The following FBXO44 variants were observed in gnomAD, a reference collection of about 807,000 sequenced individuals.
FBXO44 encodes the protein F-box protein 44, also known as F-box only protein 44.
FBXO44 carries 25 observed loss-of-function variants against 33.5 expected under a neutral mutation model. The observed-to-expected ratio is 0.75, with a 90% CI of 0.54 to 1.04. The LOEUF (loss-of-function observed/expected upper bound fraction) is 1.04. Among genes scored for constraint, FBXO44 ranks in the 50% least tolerant of loss-of-function variants. The pLI is 0.00. For missense variants in FBXO44, 311 were observed against 344.0 expected (o/e 0.90, Z 0.76); for synonymous variants, 147 against 152.8 (o/e 0.96, Z 0.28).
At chr1:11,656,219 C>T (rs1267115966) in intron 2 of FBXO44, 119 bp downstream of exon 2, 3 of 1,369,508 alleles carry the variant, frequency 2.2e-6, no homozygotes, top group African/African-American at 2.9e-5. Context: ...ACTTCTCTCA[C>T]AGTAACCCAA....
At chr1:11,657,701 A>G (rs1007415158) in intron 2 of FBXO44, among the ~76,000 whole-genome samples, 1 of 152,180 alleles carries the variant, frequency 6.6e-6, no homozygotes, top group Admixed American at 6.6e-5. Flanking sequence ...AGATCGAGCC[A>G]TTGCACTCCA....
rs1639743526 is a variant in FBXO44 at position 11,655,842 on chromosome 1, G to A, written c.7G>A (p.Val3Met). Residue 3 changes from valine (V) to methionine (M), a missense_variant, in exon 2 of 6, where the codon GTG becomes ATG. Transcript: ENST00000251547. The stretch of plus-strand genomic sequence containing the variant: ...TGTCCAGAAGCCACAAGCCATGGCT[G>A]TGGGGAACATCAACGAGCTGCCCGA... Reference protein sequence around the residue: MAVGNINELPENI... With the variant: MAMGNINELPENI... 2 of 1,613,672 alleles carry A rather than the reference G, an allele frequency of 1.2e-6. No individual in the cohort carries two copies. The highest frequency in any genetic ancestry group is 1.7e-6 in the Non-Finnish European group (2 of 1,179,798).
intron 1 of FBXO44, 28 bp from the exon 2 acceptor site, chr1:11,655,778 T>A: frequency 5.6e-6 from 9 of 1,593,768 alleles, no homozygotes; most frequent in Non-Finnish European, 7.7e-6. Context: ...AGAGCAGGGA[T>A]GAGGCCTGCA....
upstream of FBXO44, chr1:11,654,425 C>T: frequency 1.6e-6 from 2 of 1,273,136 alleles, no homozygotes; most frequent in Non-Finnish European, 2.0e-6. Flanking sequence ...GCGCTGTCCG[C>T]GTCTGTGTCG....
At chr1:11,654,977 G>A (rs1192754979) in intron 1 of FBXO44, 25 bp downstream of exon 1, 1 of 150,232 alleles carries the variant, frequency 6.7e-6, no homozygotes, top group Non-Finnish European at 1.5e-5. Context: ...GGGGCGCGGG[G>A]GGCGCTGGGG....
intron 2 of FBXO44, 68 bp downstream of exon 2, chr1:11,656,168 A>C: frequency 2.5e-6 from 4 of 1,573,368 alleles, no homozygotes; most frequent in Non-Finnish European, 3.5e-6. Context: ...TGTATTGAGC[A>C]CTTAGTATGA....
intron 1 of FBXO44, 121 bp from the exon 2 acceptor site, chr1:11,655,685 C>A: frequency 9.6e-7 from 1 of 1,044,804 alleles, no homozygotes; most frequent in Non-Finnish European, 1.4e-6. Flanking sequence ...TGGACCGCCC[C>A]AGTGACCCCT....
intron 2 of FBXO44, among the ~76,000 whole-genome samples, chr1:11,657,956 C>A (rs762801470): frequency 1.1e-4 from 16 of 152,126 alleles, no homozygotes; most frequent in Admixed American, 3.9e-4. Flanking sequence ...CAAGGTCAGA[C>A]AACCGAGTAC....
Position 11,656,022 on chromosome 1 carries a change from C to G in FBXO44, c.187C>G (p.Gln63Glu). Residue 63 changes from glutamine to glutamate, a missense_variant, in exon 2 of 6, where the codon CAG (glutamine) becomes GAG (glutamate). Coordinates refer to ENST00000251547, the MANE Select transcript of FBXO44 (RefSeq NM_033182.7). ...REGFITEDWD[Q>E]PVADWKIFYF... is the part of the protein sequence containing the mutation. The stretch of plus-strand genomic sequence containing the variant: ...GGGCTTCATCACTGAGGACTGGGAC[C>G]AGCCCGTGGCCGACTGGAAGATCTT... 6.2e-7 allele frequency: 1 copy of G among 1,614,212 alleles called. No individual in the cohort carries two copies. Among genetic ancestry groups the G allele is most frequent in the Non-Finnish European group, 8.5e-7 (1 of 1,180,038 alleles).
Position 11,658,255 on chromosome 1 carries a change from C to T in FBXO44, c.266-12C>T, listed in dbSNP as rs1557661102. 2 of 1,613,532 alleles carry T rather than the reference C, an allele frequency of 1.2e-6. No homozygotes were observed. Among genetic ancestry groups the T allele is most frequent in the South Asian group, 2.2e-5 (2 of 91,026 alleles). ...GGGCTTCCCTTCAGTGTGAACTCTG[C>T]TTTTCCATCAGAGGGGTTCGAGTTC... On this transcript the variant is annotated splice_polypyrimidine_tract_variant and intron_variant, in intron 2 of 5. Transcript: ENST00000251547.
In FBXO44 at chr1:11,658,890, C is replaced by G. The variant is rs760462829; in HGVS notation, c.624+19C>G. ...GAGGGAGGTGCGTGGGCCTGGGGGA[C>G]GGGGGCAGAGGCAGATCGTCCAAGG... On this transcript the variant is annotated intron_variant, in intron 5 of 5. Coordinates refer to ENST00000251547, the MANE Select transcript of FBXO44 (RefSeq NM_033182.7). 1 of 1,602,228 alleles carries G rather than the reference C, an allele frequency of 6.2e-7. No homozygotes were observed. Among genetic ancestry groups the G allele is most frequent in the Admixed American group, 1.7e-5 (1 of 59,988 alleles).
chr1:11,657,329 G>A (rs1185893609), intron 2 of FBXO44, among the ~76,000 whole-genome samples: 1 of 152,164 alleles, frequency 6.6e-6, no homozygotes, highest in Non-Finnish European at 1.5e-5. Context: ...GTTTACAGAG[G>A]AGACAACTGA....
chr1:11,658,340 G>A lies in FBXO44; in HGVS notation c.339G>A (p.Gln113=). Reference sequence around the variant, plus strand: ...AGGTGGAGGATCTCTCTCGAGACCAGAGGAAGGAATTCCCCAATGACCAGG... The same window carrying A: ...AGGTGGAGGATCTCTCTCGAGACCAAAGGAAGGAATTCCCCAATGACCAGG... The part of the protein sequence containing the change: ...EWKVEDLSRD[Q]RKEFPNDQVK... The change falls in exon 3 of 6, where the codon CAG becomes CAA. Residue 113 remains glutamine, a synonymous_variant. Coordinates refer to ENST00000251547, the MANE Select transcript of FBXO44 (RefSeq NM_033182.7). The A allele has an allele frequency of 6.2e-7, 1 of 1,613,346 alleles. No individual in the cohort carries two copies. The highest frequency in any genetic ancestry group is 8.5e-7 in the Non-Finnish European group (1 of 1,179,802).
In FBXO44 at chr1:11,661,095, C is replaced by T. The variant is rs1640153556; in HGVS notation, c.625-35C>T. The T allele has an allele frequency of 6.3e-7, 1 of 1,593,684 alleles. No homozygotes were observed. Among genetic ancestry groups the T allele is most frequent in the African/African-American group, 1.3e-5 (1 of 74,650 alleles). On this transcript the variant is annotated intron_variant, in intron 5 of 5. Transcript: ENST00000251547. This position sits in a 1 kb window ranked among gnomAD's most constrained non-coding sequence, Gnocchi z 4.4. Reference sequence around the variant, plus strand: ...GCCACACCCAGCCTGAGTCAGCTCCCTTGACCTTTCTCCCCCCTCTACCTG... The same window carrying T: ...GCCACACCCAGCCTGAGTCAGCTCCTTTGACCTTTCTCCCCCCTCTACCTG...
chr1:11,658,884 G>C lies in FBXO44; in HGVS notation c.624+13G>C, dbSNP rs1557662781. On this transcript the variant is annotated intron_variant, in intron 5 of 5. Coordinates refer to ENST00000251547, the MANE Select transcript of FBXO44 (RefSeq NM_033182.7). Reference sequence around the variant, plus strand: ...CAAGTGGAGGGAGGTGCGTGGGCCTGGGGGACGGGGGCAGAGGCAGATCGT... The same window carrying C: ...CAAGTGGAGGGAGGTGCGTGGGCCTCGGGGACGGGGGCAGAGGCAGATCGT... The C allele has an allele frequency of 6.2e-7, 1 of 1,602,902 alleles. No homozygotes were observed. Among genetic ancestry groups the C allele is most frequent in the Non-Finnish European group, 8.5e-7 (1 of 1,179,818 alleles).
chr1:11,659,399 G>GA (rs939864771), intron 5 of FBXO44, among the ~76,000 whole-genome samples: 1 of 152,006 alleles, frequency 6.6e-6, no homozygotes, highest in Non-Finnish European at 1.5e-5. Context: ...GAAAAGAAAA[G>GA]AAAAAAAATT....
chr1:11,657,259 A>T (rs1394533940), intron 2 of FBXO44, among the ~76,000 whole-genome samples: 1 of 152,240 alleles, frequency 6.6e-6, no homozygotes, highest in African/African-American at 2.4e-5. Context: ...ATGGCCCACA[A>T]TTCCTACAAT....
Position 11,658,885 on chromosome 1 carries a change from G to C in FBXO44, c.624+14G>C. The C allele has an allele frequency of 6.2e-7, 1 of 1,602,950 alleles. No individual in the cohort carries two copies. Among genetic ancestry groups the C allele is most frequent in the Non-Finnish European group, 8.5e-7 (1 of 1,179,842 alleles). On this transcript the variant is annotated intron_variant, in intron 5 of 5. Transcript: ENST00000251547. ...AAGTGGAGGGAGGTGCGTGGGCCTGGGGGACGGGGGCAGAGGCAGATCGTC... is the reference window on the plus strand; with the variant it reads ...AAGTGGAGGGAGGTGCGTGGGCCTGCGGGACGGGGGCAGAGGCAGATCGTC...
chr1:11,654,471 C>A, upstream of FBXO44: 1 of 909,700 alleles, frequency 1.1e-6, no homozygotes, highest in South Asian at 3.8e-5. Flanking sequence ...GCCCCCGACC[C>A]GACCCGCCCC....
Sources: allele counts gnomAD v4.1 joint callset (sites outside exome capture counted in the v4.1 genomes callset), GRCh38; gene constraint gnomAD v4.1.1; non-coding constraint Gnocchi (gnomAD v3.1); transcripts MANE v1.5; gene names NCBI Gene and HGNC (gene_info 2026-07-23, HGNC 2026-07-21).